Variants in CSMD2 observed in about 807,000 individuals in gnomAD.
CSMD2 encodes the protein CUB and sushi domain-containing protein 2.
Under a neutral mutation model 398.5 loss-of-function variants are expected in CSMD2, and 130 were observed. That is an observed-to-expected ratio of 0.33 (90% CI 0.28 to 0.38). CSMD2 has a LOEUF of 0.38. Among genes scored for constraint, CSMD2 ranks in the 10% least tolerant of loss-of-function variants. The probability of loss-of-function intolerance (pLI) is 1.00; values close to 1 mark genes in which losing one functional copy is unlikely to be tolerated. For missense variants in CSMD2, 3,829 were observed against 4,764.9 expected, an observed-to-expected ratio of 0.80 and a Z score of 5.78; for synonymous variants, 1,828 against 1,908.5, an observed-to-expected ratio of 0.96 and a Z score of 1.10.
chr1:33,571,959 A>C (rs1659634927), intron 50 of CSMD2, among the ~76,000 whole-genome samples: 1 of 152,240 alleles, frequency 6.6e-6, no homozygotes, highest in South Asian at 2.1e-4. Context: ...AATAGTACTC[A>C]GTCAAGGTTG....
chr1:33,790,935 G>T (rs906682586), intron 11 of CSMD2, among the ~76,000 whole-genome samples: 1 of 152,200 alleles, frequency 6.6e-6, no homozygotes. Context: ...AGAATGCCCT[G>T]TGGGCTCACA....
intron 6 of CSMD2, among the ~76,000 whole-genome samples, chr1:33,831,957 G>A (rs551254825): frequency 6.6e-6 from 1 of 151,746 alleles, no homozygotes; most frequent in African/African-American, 2.4e-5. Flanking sequence ...AACAAGAAGA[G>A]CTAACTATCT....
intron 5 of CSMD2, among the ~76,000 whole-genome samples, chr1:33,913,264 C>T (rs897787477): frequency 6.6e-6 from 1 of 152,194 alleles, no homozygotes; most frequent in African/African-American, 2.4e-5. Context: ...CAAGGACATC[C>T]TCCAGTCTCA....
chr1:34,061,824 C>G (rs143524263), intron 2 of CSMD2, among the ~76,000 whole-genome samples: 1 of 152,154 alleles, frequency 6.6e-6, no homozygotes, highest in Non-Finnish European at 1.5e-5. Flanking sequence ...CACAGGCTTC[C>G]GTGCTGGATC....
At chr1:34,050,257 C>T (rs2148220504) in intron 2 of CSMD2, among the ~76,000 whole-genome samples, 1 of 152,318 alleles carries the variant, frequency 6.6e-6, no homozygotes, top group South Asian at 2.1e-4. Context: ...TGGACTGCTT[C>T]CATTGTAGAA....
Position 33,519,646 on chromosome 1 carries a change from C to A in CSMD2, c.10768G>T (p.Ala3590Ser). The stretch of plus-strand genomic sequence containing the variant: ...CGAACATTGGTGTTCTCGTGGCCAG[C>A]ATAGCCATTGAAAGGAACTTTGGGT... ...RRPKVPFNGY[A>S]GHENTNVRAT... Residue 3590 changes from alanine (A) to serine (S), a missense_variant, in exon 70 of 71, where the codon GCT (alanine) becomes TCT (serine). This residue lies in a region of CSMD2 where 917 missense variants were observed against 1,199.5 expected (regional missense o/e 0.76). Transcript: ENST00000373381. The surrounding 1 kb of genome is among the most constrained non-coding windows in gnomAD (Gnocchi z 5.6). 6.2e-7 allele frequency: 1 copy of A among 1,614,026 alleles called. No individual in the cohort carries two copies. The highest frequency in any genetic ancestry group is 8.5e-7 in the Non-Finnish European group (1 of 1,180,016).
intron 46 of CSMD2, among the ~76,000 whole-genome samples, chr1:33,584,895 C>A (rs138645111): frequency 6.6e-6 from 1 of 151,936 alleles, no homozygotes; most frequent in East Asian, 1.9e-4. Context: ...AAAGGAGGAG[C>A]TGGAGGAGCA....
chr1:33,956,111 T>C (rs1645160036), intron 3 of CSMD2, among the ~76,000 whole-genome samples: 1 of 151,986 alleles, frequency 6.6e-6, no homozygotes, highest in Non-Finnish European at 1.5e-5. Context: ...TATAGTAAAA[T>C]ATACATAAAA....
chr1:34,053,626 G>A (rs1403820195), intron 2 of CSMD2, among the ~76,000 whole-genome samples: 1 of 152,132 alleles, frequency 6.6e-6, no homozygotes, highest in Non-Finnish European at 1.5e-5. Flanking sequence ...TTTAGTAGAT[G>A]AATTTCTTAA....
chr1:33,890,170 T>A (rs914891904), intron 5 of CSMD2, among the ~76,000 whole-genome samples: 1 of 151,884 alleles, frequency 6.6e-6, no homozygotes, highest in Non-Finnish European at 1.5e-5. Context: ...AAAAATATAA[T>A]ACTCGTCTGC....
intron 6 of CSMD2, among the ~76,000 whole-genome samples, chr1:33,830,069 C>A (rs1659334311): frequency 6.6e-6 from 1 of 152,226 alleles, no homozygotes; most frequent in South Asian, 2.1e-4. Context: ...TAGGCTCCAC[C>A]TCTGGGGGCA....
At chr1:33,792,039 A>T (rs549699738) in intron 11 of CSMD2, among the ~76,000 whole-genome samples, 1 of 152,140 alleles carries the variant, frequency 6.6e-6, no homozygotes, top group Non-Finnish European at 1.5e-5. Context: ...ACTCATTTCC[A>T]TTATCTCTGT....
intron 14 of CSMD2, among the ~76,000 whole-genome samples, chr1:33,739,838 T>C (rs1042888498): frequency 6.6e-6 from 1 of 152,182 alleles, no homozygotes; most frequent in African/African-American, 2.4e-5. Context: ...TGCCCTAGAA[T>C]TAACCCTGTC....
At chr1:33,703,023 A>G (rs976342928) in intron 22 of CSMD2, among the ~76,000 whole-genome samples, 3 of 152,114 alleles carry the variant, frequency 2.0e-5, no homozygotes, top group Non-Finnish European at 4.4e-5. Flanking sequence ...TTGTTTGTCA[A>G]CTTTCTATTC....
intron 2 of CSMD2, among the ~76,000 whole-genome samples, chr1:34,068,767 G>A (rs1265659310): frequency 6.6e-6 from 1 of 152,138 alleles, no homozygotes; most frequent in Admixed American, 6.5e-5. Context: ...ATTGAATCAT[G>A]GGGGCAGGTC....
At chr1:33,661,701 T>G (rs1644140114) in intron 26 of CSMD2, among the ~76,000 whole-genome samples, 1 of 152,218 alleles carries the variant, frequency 6.6e-6, no homozygotes, top group Non-Finnish European at 1.5e-5. Flanking sequence ...AATGTGATCC[T>G]GGAGACTCTC....
intron 6 of CSMD2, among the ~76,000 whole-genome samples, chr1:33,831,448 A>G (rs1161814205): frequency 2.0e-5 from 3 of 152,208 alleles, no homozygotes; most frequent in Non-Finnish European, 2.9e-5. Flanking sequence ...ATCCCTTACA[A>G]ACAAGCAAAT....
chr1:33,602,407 C>T lies in CSMD2; in HGVS notation c.6672G>A (p.Leu2224=). The change falls in exon 43 of 71, where the codon CTG becomes CTA. Residue 2224 remains leucine (L), a synonymous_variant. Transcript: ENST00000373381. The part of the protein sequence containing the change: ...IGHGVRLNLS[L]LQTEPSGDFI... The stretch of plus-strand genomic sequence containing the variant: ...AATCTCCAGAGGGCTCTGTCTGCAG[C>T]AGGCTGAGGTTGAGGCGGACGCCAT... The T allele has an allele frequency of 6.2e-7, 1 of 1,613,882 alleles. No homozygotes were observed. The highest frequency in any genetic ancestry group is 1.1e-5 in the South Asian group (1 of 91,050).
intron 13 of CSMD2, among the ~76,000 whole-genome samples, chr1:33,751,284 G>C (rs1246570163): frequency 6.6e-6 from 1 of 152,074 alleles, no homozygotes; most frequent in Non-Finnish European, 1.5e-5. Context: ...GCAGTCAAGA[G>C]GTAGGAGAAA....
Sources: allele counts gnomAD v4.1 joint callset (sites outside exome capture counted in the v4.1 genomes callset), GRCh38; gene constraint gnomAD v4.1.1; regional missense constraint gnomAD v4.1.1; non-coding constraint Gnocchi (gnomAD v3.1); transcripts MANE v1.5; gene names NCBI Gene and HGNC (gene_info 2026-07-23, HGNC 2026-07-21).